The following PLD5 variants were observed in gnomAD, a reference collection of about 807,000 sequenced individuals.
The protein encoded by PLD5 is inactive phospholipase D5.
A neutral mutation model predicts 61.1 loss-of-function variants in PLD5; 36 were observed. The ratio of observed to expected loss-of-function variants is 0.59; its 90% CI spans 0.45 to 0.78. PLD5 has a LOEUF of 0.78. Ranked by LOEUF, PLD5 falls within the 30% of genes least tolerant of loss-of-function variation. The pLI, the probability that PLD5 is intolerant of heterozygous loss-of-function variation, is 0.00. For missense variants in PLD5, 515 were observed against 644.4 expected, an observed-to-expected ratio of 0.80 and a Z score of 2.17; for synonymous variants, 243 against 242.8, an observed-to-expected ratio of 1.00 and a Z score of -0.01.
intron 3 of PLD5, among the ~76,000 whole-genome samples, chr1:242,267,787 T>G (rs1574639752): frequency 7.1e-6 from 1 of 140,770 alleles, no homozygotes; most frequent in Non-Finnish European, 1.5e-5. Flanking sequence ...CTCAGGAGGA[T>G]GAGGTTGTGC....
chr1:242,131,499 C>T lies in PLD5; in HGVS notation c.736-6834G>A, dbSNP rs148438278. Among the ~76,000 whole-genome samples the T allele has an allele frequency of 5.6e-3, 846 of 152,258 alleles. 2 individuals carry two copies. Among genetic ancestry groups the T allele is most frequent in the Middle Eastern group, 0.02 (6 of 294 alleles). On this transcript the variant is annotated intron_variant, in intron 5 of 9. Coordinates refer to ENST00000536534, the MANE Select transcript of PLD5 (RefSeq NM_001372062.1). Reference sequence around the variant, plus strand: ...CTAATTAATTATAGTGCTCGCTGTGCTCCAGGTACTGTTCTCAAGGCTTCA... The same window carrying T: ...CTAATTAATTATAGTGCTCGCTGTGTTCCAGGTACTGTTCTCAAGGCTTCA...
At chr1:242,294,613 G>T (rs575065192) in intron 2 of PLD5, among the ~76,000 whole-genome samples, 1 of 152,254 alleles carries the variant, frequency 6.6e-6, no homozygotes, top group Admixed American at 6.5e-5. Context: ...AGCTCTGCCA[G>T]TTATGAGCTG....
At chr1:242,266,936 G>C (rs1448195516) in intron 3 of PLD5, among the ~76,000 whole-genome samples, 1 of 151,986 alleles carries the variant, frequency 6.6e-6, no homozygotes, top group East Asian at 1.9e-4. Context: ...GGTCAACATG[G>C]GGAAACCCAG....
intron 1 of PLD5, among the ~76,000 whole-genome samples, chr1:242,390,645 T>C (rs1429084097): frequency 6.6e-6 from 1 of 152,140 alleles, no homozygotes; most frequent in Non-Finnish European, 1.5e-5. Flanking sequence ...AATAAAAATA[T>C]CTGATTCCAT....
intron 8 of PLD5, among the ~76,000 whole-genome samples, chr1:242,107,280 A>G (rs967204298): frequency 6.6e-6 from 1 of 152,184 alleles, no homozygotes; most frequent in Non-Finnish European, 1.5e-5. Flanking sequence ...GCTCAGGACC[A>G]GCCTGGGCAA....
chr1:242,278,107 G>C (rs1453463379), intron 3 of PLD5, among the ~76,000 whole-genome samples: 1 of 152,094 alleles, frequency 6.6e-6, no homozygotes, highest in Non-Finnish European at 1.5e-5. Flanking sequence ...GGAGGATTTG[G>C]TTTCTCTCTC....
chr1:242,114,951 C>T (rs1295558654), intron 6 of PLD5, among the ~76,000 whole-genome samples: 2 of 151,902 alleles, frequency 1.3e-5, no homozygotes, highest in African/African-American at 2.4e-5. Context: ...CTGAGGTGGC[C>T]GGATCACCTG....
At chr1:242,458,740 TTACTTGTA>T (rs1231974079) in intron 1 of PLD5, among the ~76,000 whole-genome samples, 5 of 152,238 alleles carry the variant, frequency 3.3e-5, no homozygotes, top group African/African-American at 9.6e-5. Context: ...GTGTTAATTG[TTACTTGTA>T]TACTTGTATT....
intron 3 of PLD5, among the ~76,000 whole-genome samples, chr1:242,270,211 A>G (rs368512525): frequency 9.3e-5 from 14 of 151,212 alleles, no homozygotes; most frequent in African/African-American, 2.7e-4. Flanking sequence ...CTTTCCTCCC[A>G]TACAGAATCC....
intron 5 of PLD5, among the ~76,000 whole-genome samples, chr1:242,195,013 A>C: frequency 6.6e-6 from 1 of 152,160 alleles, no homozygotes; most frequent in East Asian, 1.9e-4. Context: ...CCTGTTCCCC[A>C]AAAACCTATG....
rs1367419471 is a variant in PLD5, at chr1:242,439,907, A to G, written c.189+84181T>C. ...GAGAAACAGGGACAGTATAAGCCACAAGCAGTGGAAAGTTCTCCACTGGCC... is the reference window on the plus strand; with the variant it reads ...GAGAAACAGGGACAGTATAAGCCACGAGCAGTGGAAAGTTCTCCACTGGCC... On this transcript the variant is annotated intron_variant, in intron 1 of 9. Coordinates refer to ENST00000536534, the MANE Select transcript of PLD5 (RefSeq NM_001372062.1). Among the ~76,000 whole-genome samples, 5 of 152,200 alleles carry G rather than the reference A, an allele frequency of 3.3e-5. 1 individual carries two copies. Among genetic ancestry groups the G allele is most frequent in the Admixed American group, 6.5e-5 (1 of 15,286 alleles).
intron 2 of PLD5, among the ~76,000 whole-genome samples, chr1:242,340,467 C>T (rs1335000975): frequency 4.6e-5 from 7 of 151,538 alleles, no homozygotes; most frequent in East Asian, 1.9e-4. Context: ...TGATAATAAG[C>T]TCTTCCCCAT....
At chr1:242,507,990 A>G (rs1242899389) in intron 1 of PLD5, among the ~76,000 whole-genome samples, 2 of 95,312 alleles carry the variant, frequency 2.1e-5, no homozygotes, top group African/African-American at 6.7e-5. Context: ...GACTTTTTTA[A>G]TCTGTTTTTT....
chr1:242,262,453 T>G (rs1673429287), intron 4 of PLD5, among the ~76,000 whole-genome samples: 1 of 152,182 alleles, frequency 6.6e-6, no homozygotes, highest in African/African-American at 2.4e-5. Context: ...ATGCATGATA[T>G]TCCTCAGGCA....
At chr1:242,421,200 G>C (rs78060558) in intron 1 of PLD5, among the ~76,000 whole-genome samples, 1 of 141,672 alleles carries the variant, frequency 7.1e-6, no homozygotes, top group African/African-American at 2.6e-5. Flanking sequence ...AAAAAAAAAA[G>C]GATGGTTTCA....
At chr1:242,373,732 T>G (rs1271069230) in intron 1 of PLD5, among the ~76,000 whole-genome samples, 2 of 151,864 alleles carry the variant, frequency 1.3e-5, no homozygotes, top group African/African-American at 4.8e-5. Context: ...TTCTCACTCA[T>G]AGGTGGGAAT....
At chr1:242,219,373 A>G (rs1670421330) in intron 5 of PLD5, among the ~76,000 whole-genome samples, 1 of 152,112 alleles carries the variant, frequency 6.6e-6, no homozygotes, top group Non-Finnish European at 1.5e-5. Context: ...GTGTTGATTT[A>G]AAAAGATGTT....
chr1:242,320,780 C>G (rs2580226), intron 2 of PLD5, among the ~76,000 whole-genome samples: 2 of 152,152 alleles, frequency 1.3e-5, no homozygotes, highest in Non-Finnish European at 2.9e-5. Context: ...CTGGGGAGCT[C>G]AAAATCTAAT....
At chr1:242,423,655 A>G (rs1017197404) in intron 1 of PLD5, among the ~76,000 whole-genome samples, 2 of 152,120 alleles carry the variant, frequency 1.3e-5, no homozygotes, top group East Asian at 3.9e-4. Flanking sequence ...AAATGAGAAT[A>G]AACAAACCCA....
Sources: gnomAD v4.1 joint callset for allele counts (sites outside exome capture counted in the v4.1 genomes callset) on GRCh38, gnomAD v4.1.1 for gene constraint, MANE v1.5 for transcripts, NCBI Gene and HGNC (gene_info 2026-07-23, HGNC 2026-07-21) for gene names.